SLC25A36: variants seen among roughly 807,000 people sequenced by gnomAD.
The protein encoded by SLC25A36 is solute carrier family 25 member 36.
A neutral mutation model predicts 35.3 loss-of-function variants in SLC25A36; 24 were observed. That is an observed-to-expected ratio of 0.68 (90% CI 0.49 to 0.96). The LOEUF (loss-of-function observed/expected upper bound fraction) is 0.96. Ranked by LOEUF, SLC25A36 falls within the 40% of genes least tolerant of loss-of-function variation. The probability of loss-of-function intolerance (pLI) is 0.00; values close to 1 mark genes in which losing one functional copy is unlikely to be tolerated. For missense variants in SLC25A36, 294 were observed against 381.1 expected, an observed-to-expected ratio of 0.77 and a Z score of 1.90; for synonymous variants, 141 against 132.2, an observed-to-expected ratio of 1.07 and a Z score of -0.46.
intron 5 of SLC25A36, chr3:140,973,155 A>G (rs1559817440): frequency 6.6e-6 from 1 of 152,206 alleles, no homozygotes; most frequent in Non-Finnish European, 1.5e-5. Context: ...CCTTTAAATG[A>G]TCATAGGGAA....
intron 1 of SLC25A36, among the ~76,000 whole-genome samples, chr3:140,947,875 A>G (rs912765250): frequency 5.9e-5 from 9 of 152,258 alleles, no homozygotes; most frequent in African/African-American, 1.9e-4. Context: ...ATACAAGTGT[A>G]CTACCAGAGA....
At chr3:140,942,923 T>A (rs548175860) in intron 1 of SLC25A36, among the ~76,000 whole-genome samples, 64 of 152,302 alleles carry the variant, frequency 4.2e-4, no homozygotes, top group African/African-American at 1.5e-3. Flanking sequence ...CACCGCTTGC[T>A]TTTCTGCTGC....
In SLC25A36 at chr3:140,980,769, C is replaced by T. The variant is rs1935162815; in HGVS notation, c.*4316C>T. Among the ~76,000 whole-genome samples, 5 of 132,986 alleles carry T rather than the reference C, an allele frequency of 3.8e-5. 1 individual carries two copies. The South Asian group carries it at 1.2e-3, about 33-fold the overall frequency. The allele number at this position is 132,986 out of a possible 152,430, so 87.2% of individuals were successfully genotyped here. On this transcript the variant is annotated 3_prime_UTR_variant, in exon 7 of 7. Transcript: ENST00000324194. ...ATGCTGGAGTGCAATGACATGATCT[C>T]AGGTCACTGCAACCTCTGCCTCCCG...
At chr3:140,957,331 A>C (rs1030595221) in intron 2 of SLC25A36, among the ~76,000 whole-genome samples, 1 of 152,228 alleles carries the variant, frequency 6.6e-6, no homozygotes, top group Non-Finnish European at 1.5e-5. Flanking sequence ...ATTTTGTAAT[A>C]GCAAATAAAC....
At chr3:140,954,150 T>C (rs1934412109) in intron 1 of SLC25A36, among the ~76,000 whole-genome samples, 1 of 152,178 alleles carries the variant, frequency 6.6e-6, no homozygotes. Context: ...AGGGGGATAA[T>C]TTTTTTAACG....
At chr3:140,966,864 A>G (rs938824657) in intron 4 of SLC25A36, 14 of 451,364 alleles carry the variant, frequency 3.1e-5, no homozygotes, top group East Asian at 2.1e-4. Flanking sequence ...ATAGGATTCA[A>G]TTTGTACACA....
intron 1 of SLC25A36, among the ~76,000 whole-genome samples, chr3:140,953,458 T>G (rs1316037279): frequency 6.6e-6 from 1 of 151,938 alleles, no homozygotes; most frequent in Admixed American, 6.6e-5. Context: ...TTTTTTGAAG[T>G]GTTAAGCTTA....
At chr3:140,961,244 C>T (rs769094625) in intron 3 of SLC25A36, among the ~76,000 whole-genome samples, 2 of 151,928 alleles carry the variant, frequency 1.3e-5, no homozygotes, top group African/African-American at 2.4e-5. Flanking sequence ...TAATTTTTCT[C>T]GGTTATCATA....
At position 140,978,665 on chromosome 3, in the gene SLC25A36, A is replaced by G. The variant is rs1251842403; in HGVS notation, c.*2212A>G. On this transcript the variant is annotated 3_prime_UTR_variant, in exon 7 of 7. Coordinates refer to ENST00000324194, the MANE Select transcript of SLC25A36 (RefSeq NM_001104647.3). ...TGCATTATATTCAGCTTTTAACAGT[A>G]TTATGTATGTACTGGAAAGCAAAGA... The G allele has an allele frequency of 2.6e-5, 4 of 152,172 alleles. No individual in the cohort carries two copies. Among genetic ancestry groups the G allele is most frequent in the African/African-American group, 4.8e-5 (2 of 41,436 alleles). The allele number at this position is 152,172 out of a possible 1,614,324, so 9.4% of individuals were successfully genotyped here.
Position 140,976,591 on chromosome 3 carries a change from G to T in SLC25A36, c.*138G>T. On this transcript the variant is annotated 3_prime_UTR_variant, in exon 7 of 7. Transcript: ENST00000324194. ...TATTCTAAGTGGAAGTTTTGTTGTA[G>T]GAATTATAGTAATCACACCACATTA... The T allele has an allele frequency of 1.6e-6, 1 of 608,026 alleles. No individual in the cohort carries two copies. The highest frequency in any genetic ancestry group is 2.6e-6 in the Non-Finnish European group (1 of 388,396). 37.7% of individuals were successfully genotyped at this position (608,026 alleles called of 1,614,324 possible). A position where few individuals can be genotyped will look rare whatever the true frequency, so the allele number is the denominator to read the frequency against.
rs1464740659 is a variant in SLC25A36, at chr3:140,965,881, T to C, written c.385+2654T>C. The C allele has an allele frequency of 2.6e-5, 4 of 152,016 alleles. No homozygotes were observed. In the East Asian group the frequency reaches 7.7e-4, roughly 29 times the overall value. The allele number at this position is 152,016 out of a possible 1,614,324, so 9.4% of individuals were successfully genotyped here. On this transcript the variant is annotated intron_variant, in intron 4 of 6. Transcript: ENST00000324194. Reference sequence around the variant, plus strand: ...GTTTAAATTAACTTGTATATTCCTTTGTATACACCTAGGCACAGATGTATG... The same window carrying C: ...GTTTAAATTAACTTGTATATTCCTTCGTATACACCTAGGCACAGATGTATG...
chr3:140,956,773 C>T (rs1252269408), intron 2 of SLC25A36, 82 bp downstream of exon 2: 4 of 1,447,726 alleles, frequency 2.8e-6, no homozygotes, highest in Non-Finnish European at 3.6e-6. Context: ...TATTCTGCCA[C>T]ATTGAAAATG....
chr3:140,954,569 C>A (rs977218597), intron 1 of SLC25A36, among the ~76,000 whole-genome samples: 6 of 152,304 alleles, frequency 3.9e-5, no homozygotes, highest in Middle Eastern at 3.4e-3. Context: ...TAATTCTAGC[C>A]ATTTAATAGA....
intron 2 of SLC25A36, among the ~76,000 whole-genome samples, chr3:140,958,051 C>G (rs185308299): frequency 6.6e-5 from 10 of 152,092 alleles, no homozygotes; most frequent in African/African-American, 2.2e-4. Context: ...TTTTTATTTA[C>G]TGCTGATGAA....
chr3:140,968,111 C>T (rs758683270), intron 4 of SLC25A36: 13 of 984,514 alleles, frequency 1.3e-5, no homozygotes, highest in Non-Finnish European at 1.6e-5. Flanking sequence ...TGCTAAGTTA[C>T]GATAAATTTT....
intron 3 of SLC25A36, among the ~76,000 whole-genome samples, chr3:140,960,015 A>G (rs951753872): frequency 6.6e-6 from 1 of 152,152 alleles, no homozygotes; most frequent in African/African-American, 2.4e-5. Context: ...GAGATGTTGT[A>G]ATCAAAGTTG....
At chr3:140,960,560 A>G (rs1934601630) in intron 3 of SLC25A36, among the ~76,000 whole-genome samples, 1 of 152,230 alleles carries the variant, frequency 6.6e-6, no homozygotes, top group African/African-American at 2.4e-5. Context: ...AAAAGTCTAA[A>G]AACCTGAGAA....
intron 4 of SLC25A36, chr3:140,970,654 C>T (rs993927770): frequency 1.5e-4 from 32 of 218,142 alleles, no homozygotes; most frequent in African/African-American, 6.5e-4. Context: ...CAGTAGAGAG[C>T]ACCCTAAAGG....
chr3:140,977,234 T>C lies in SLC25A36; in HGVS notation c.*781T>C, dbSNP rs1935071936. The C allele has an allele frequency of 6.6e-6, 1 of 152,212 alleles. No individual in the cohort carries two copies. Among genetic ancestry groups the C allele is most frequent in the Non-Finnish European group, 1.5e-5 (1 of 68,036 alleles). The allele number at this position is 152,212 out of a possible 1,614,324, so 9.4% of individuals were successfully genotyped here. A position where few individuals can be genotyped will look rare whatever the true frequency, so the allele number is the denominator to read the frequency against. On this transcript the variant is annotated 3_prime_UTR_variant, in exon 7 of 7. Coordinates refer to ENST00000324194, the MANE Select transcript of SLC25A36 (RefSeq NM_001104647.3). ...TGCATTTATCTTTTTAGTGACTTAC[T>C]AGTTACGAACTTGAATTATCACCTC...
Sources: gnomAD v4.1 joint callset for allele counts (sites outside exome capture counted in the v4.1 genomes callset) on GRCh38, gnomAD v4.1.1 for gene constraint, MANE v1.5 for transcripts, NCBI Gene and HGNC (gene_info 2026-07-23, HGNC 2026-07-21) for gene names.